LARP1: variants seen among roughly 807,000 people sequenced by gnomAD.
LARP1 encodes La ribonucleoprotein 1, translational regulator.
Under a neutral mutation model 122.7 loss-of-function variants are expected in LARP1, and 36 were observed. That is an observed-to-expected ratio of 0.29 (90% CI 0.22 to 0.39). The LOEUF is 0.39. Among genes scored for constraint, LARP1 ranks in the 10% least tolerant of loss-of-function variants. LARP1 has a pLI of 1.00. For missense variants in LARP1, 1,040 were observed against 1,403.6 expected, an observed-to-expected ratio of 0.74 and a Z score of 4.14; for synonymous variants, 539 against 528.7, an observed-to-expected ratio of 1.02 and a Z score of -0.27.
chr5:154,812,812 C>T (rs780758129), intron 18 of LARP1, among the ~76,000 whole-genome samples: 16 of 151,990 alleles, frequency 1.1e-4, no homozygotes, highest in South Asian at 4.2e-4. Flanking sequence ...CCACCGCGCC[C>T]GGCCCAAAAG....
At chr5:154,810,549 G>A (rs1224698131) in intron 16 of LARP1, among the ~76,000 whole-genome samples, 5 of 151,946 alleles carry the variant, frequency 3.3e-5, no homozygotes, top group South Asian at 2.1e-4. Flanking sequence ...GTGCAGTGGC[G>A]CAATCTCGGC....
intron 1 of LARP1, among the ~76,000 whole-genome samples, chr5:154,724,472 C>T (rs879882449): frequency 2.6e-5 from 4 of 152,160 alleles, no homozygotes; most frequent in Non-Finnish European, 5.9e-5. Flanking sequence ...AAAGTGAAAA[C>T]AATTTACAAG....
intron 18 of LARP1, among the ~76,000 whole-genome samples, chr5:154,812,762 C>T (rs1232349382): frequency 6.6e-6 from 1 of 152,096 alleles, no homozygotes; most frequent in Non-Finnish European, 1.5e-5. Context: ...TTGTGATCCA[C>T]CTGCTTGGCC....
upstream of LARP1, among the ~76,000 whole-genome samples, chr5:154,752,784 C>T (rs572879580): frequency 1.1e-4 from 17 of 151,818 alleles, no homozygotes; most frequent in African/African-American, 4.1e-4. Context: ...ACTAAAAATA[C>T]AAAAATTAGC....
At chr5:154,784,464 G>A (rs1756724889) in intron 1 of LARP1, among the ~76,000 whole-genome samples, 1 of 152,194 alleles carries the variant, frequency 6.6e-6, no homozygotes, top group Admixed American at 6.5e-5. Context: ...TCTCAAGGTA[G>A]TAGTTCTTAG....
chr5:154,713,076 G>GGTGA lies in LARP1; in HGVS notation c.152_155dup (p.Asp52GlufsTer2). ...AGCTGCCCCGAGGAAGGAGCCCACA[G>GGTGA]GTGACAGGGAGAAGCCATTGCCATT... On this transcript the variant is annotated frameshift_variant, in exon 1 of 19. Coordinates refer to the LARP1 transcript ENST00000336314. LOFTEE classifies it high-confidence loss of function. 1 of 1,614,186 alleles carries GGTGA rather than the reference G, an allele frequency of 6.2e-7. No individual in the cohort carries two copies. The highest frequency in any genetic ancestry group is 8.5e-7 in the Non-Finnish European group (1 of 1,180,026).
upstream of LARP1, among the ~76,000 whole-genome samples, chr5:154,751,008 CCTCT>C (rs949853473): frequency 3.9e-5 from 6 of 152,112 alleles, no homozygotes; most frequent in Non-Finnish European, 7.4e-5. Context: ...CTTTTTTTGG[CCTCT>C]CTTTTTTTTT....
At chr5:154,784,523 C>T (rs890934233) in intron 1 of LARP1, among the ~76,000 whole-genome samples, 8 of 152,202 alleles carry the variant, frequency 5.3e-5, no homozygotes, top group Non-Finnish European at 2.9e-5. Flanking sequence ...GAGATGATAC[C>T]AGTCCCCAAA....
intron 1 of LARP1, among the ~76,000 whole-genome samples, chr5:154,715,805 T>C (rs1191524018): frequency 2.0e-5 from 3 of 152,244 alleles, no homozygotes; most frequent in Admixed American, 6.5e-5. Context: ...TTAGGAACTT[T>C]AGTGGAGTAG....
chr5:154,800,020 G>T lies in LARP1; in HGVS notation c.1694G>T (p.Arg565Leu), dbSNP rs1055689139. The change falls in exon 10 of 19, where the codon CGG (arginine) becomes CTG (leucine). Residue 565 changes from arginine (R) to leucine (L), a missense_variant. Physicochemically the swap from Arg to Leu is moderately radical, Grantham distance 102. Transcript: ENST00000518297. Reference sequence around the variant, plus strand: ...TGGATTGAAGTGAAGAAGAGGCCTCGGCCATCCCCAGCACGGCCCAAGGTG... The same window carrying T: ...TGGATTGAAGTGAAGAAGAGGCCTCTGCCATCCCCAGCACGGCCCAAGGTG... ...ENWIEVKKRP[R>L]PSPARPKKSE... 1 of 1,613,686 alleles carries T rather than the reference G, an allele frequency of 6.2e-7. No homozygotes were observed. Among genetic ancestry groups the T allele is most frequent in the Admixed American group, 1.7e-5 (1 of 60,006 alleles).
In LARP1 at chr5:154,806,046, G is replaced by C; in HGVS notation, c.2698+14G>C. The C allele has an allele frequency of 6.2e-7, 1 of 1,612,914 alleles. No individual in the cohort carries two copies. The highest frequency in any genetic ancestry group is 1.3e-5 in the African/African-American group (1 of 74,960). On this transcript the variant is annotated intron_variant, in intron 15 of 18. Transcript: ENST00000518297. ...GCTGCCTTAATGGTAAGAAGTGTGG[G>C]GGGCAGGAGATGAGCCTCTGGGCCC...
chr5:154,709,606 T>TG (rs760111242), upstream of LARP1, among the ~76,000 whole-genome samples: 1 of 146,148 alleles, frequency 6.8e-6, no homozygotes, highest in African/African-American at 2.6e-5. Flanking sequence ...AGATTTTTTT[T>TG]TTTTTTTTTT....
intron 15 of LARP1, among the ~76,000 whole-genome samples, chr5:154,807,096 G>A (rs1280540792): frequency 6.6e-6 from 1 of 152,094 alleles, no homozygotes; most frequent in Non-Finnish European, 1.5e-5. Flanking sequence ...TTTGTTACTG[G>A]CCTCTTCCCC....
intron 1 of LARP1, among the ~76,000 whole-genome samples, chr5:154,693,044 C>T (rs1481446349): frequency 5.7e-5 from 8 of 140,524 alleles, no homozygotes; most frequent in Middle Eastern, 4.5e-3. Context: ...CGGCTGTTCT[C>T]GAACTCCTGG....
At chr5:154,788,128 G>A (rs780079081) in intron 1 of LARP1, among the ~76,000 whole-genome samples, 18 of 152,150 alleles carry the variant, frequency 1.2e-4, no homozygotes, top group Non-Finnish European at 2.4e-4. Context: ...CATAGTGTAG[G>A]TATATATGAA....
intron 8 of LARP1, among the ~76,000 whole-genome samples, chr5:154,796,009 ATATT>A (rs1227806711): frequency 2.5e-4 from 25 of 101,500 alleles, no homozygotes; most frequent in African/African-American, 9.0e-4. Flanking sequence ...TATATATTAT[ATATT>A]TATATATTAT....
chr5:154,800,730 T>C (rs1758282072), intron 10 of LARP1, among the ~76,000 whole-genome samples: 1 of 152,234 alleles, frequency 6.6e-6, no homozygotes, highest in Non-Finnish European at 1.5e-5. Flanking sequence ...TGTCACCCAC[T>C]TTGGAGACCT....
chr5:154,770,592 C>T (rs1015957630), intron 1 of LARP1, among the ~76,000 whole-genome samples: 6 of 152,072 alleles, frequency 3.9e-5, no homozygotes, highest in African/African-American at 1.2e-4. Flanking sequence ...GGAGGGCAGT[C>T]CAGGAGGTTG....
chr5:154,739,732 A>G (rs1238382592), intron 1 of LARP1, among the ~76,000 whole-genome samples: 1 of 152,166 alleles, frequency 6.6e-6, no homozygotes, highest in Non-Finnish European at 1.5e-5. Flanking sequence ...AGGACAGGAA[A>G]TATTCTTTCT....
Sources: gnomAD v4.1 joint callset for allele counts (sites outside exome capture counted in the v4.1 genomes callset) on GRCh38, gnomAD v4.1.1 for gene constraint, MANE v1.5 for transcripts, NCBI Gene and HGNC (gene_info 2026-07-23, HGNC 2026-07-21) for gene names.